Variants in CSNK1D observed in about 807,000 individuals in gnomAD.
CSNK1D encodes the protein casein kinase I isoform delta.
In CSNK1D, 16 loss-of-function variants were observed where a neutral mutation model predicts 46.6. The observed-to-expected ratio is 0.34, with a 90% confidence interval of 0.23 to 0.52. The LOEUF (loss-of-function observed/expected upper bound fraction) is 0.52, where lower values mean the gene tolerates loss of function less well. CSNK1D is among the 20% of genes least tolerant of loss of function. CSNK1D has a pLI of 0.95. For synonymous variants in CSNK1D, 276 were observed against 228.2 expected (o/e 1.21, Z -1.89); for missense variants, 398 against 578.4 (o/e 0.69, Z 3.20).
At chr17:82,246,091 T>G in intron 8 of CSNK1D, 1 of 1,574,752 alleles carries the variant, frequency 6.4e-7, no homozygotes, top group Non-Finnish European at 8.6e-7. Context: ...GCCCCCTGAC[T>G]ACCTGTGTCG....
chr17:82,245,007 G>C (rs1208343548), intron 8 of CSNK1D, 176 bp from the exon 9 acceptor site: 1 of 761,664 alleles, frequency 1.3e-6, no homozygotes. Flanking sequence ...CACGTGCTCA[G>C]CAGAACGAGT....
At position 82,249,471 on chromosome 17, in the gene CSNK1D, T is replaced by C. The variant is rs550852694; in HGVS notation, c.1017A>G (p.Glu339=). ...GGGTGAGGGGTGTGGGGGGAGCCAC[T>C]TCCTGCGTCCCCCGCAGGCGGCCGG... The part of the protein sequence containing the change: ...TASGRLRGTQ[E]VAPPTPLTPT... Residue 339 remains glutamate (E), a synonymous_variant, in exon 7 of 9, where the codon GAA becomes GAG. Coordinates refer to ENST00000314028, the MANE Select transcript of CSNK1D (RefSeq NM_001893.6). The surrounding 1 kb of genome is among the most constrained non-coding windows in gnomAD (Gnocchi z 6.7). The C allele has an allele frequency of 3.7e-4, 564 of 1,541,194 alleles. 3 individuals carry two copies. The South Asian group carries it at 4.4e-3, about 12-fold the overall frequency.
rs138912175 is a variant in CSNK1D, at chr17:82,243,500, T to C, written c.*1281A>G. 1,829 of 985,518 alleles carry C rather than the reference T, an allele frequency of 1.9e-3. 5 individuals are homozygous for C. The highest frequency in any genetic ancestry group is 3.7e-3 in the Middle Eastern group (7 of 1,914). 61.0% of individuals were successfully genotyped at this position (985,518 alleles called of 1,614,324 possible). A position where few individuals can be genotyped will look rare whatever the true frequency, so the allele number is the denominator to read the frequency against. On this transcript the variant is annotated 3_prime_UTR_variant, in exon 9 of 9. Transcript: ENST00000314028. ...CACCAGCTCACGGAGGCCACCTGCC[T>C]TCTGGTGGGACTCGGCCCCACGCAC...
chr17:82,240,117 G>A (rs1477893519), downstream of CSNK1D: 15 of 1,209,856 alleles, frequency 1.2e-5, no homozygotes, highest in Non-Finnish European at 1.6e-5. Flanking sequence ...GTCCCCATCT[G>A]CCCCTGGCCT....
chr17:82,267,272 C>G (rs2051500713), intron 1 of CSNK1D, among the ~76,000 whole-genome samples: 1 of 152,138 alleles, frequency 6.6e-6, no homozygotes. Context: ...ACGTCTGTTT[C>G]ATGAGAGTTG....
rs950046440 is a variant in CSNK1D, at chr17:82,252,867, C to T, written c.565+149G>A. Reference sequence around the variant, plus strand: ...CCCAGCATCCGCCTGCCCCCATACACCTGGCAGTCACGAGCCAGCCTGTCT... The same window carrying T: ...CCCAGCATCCGCCTGCCCCCATACATCTGGCAGTCACGAGCCAGCCTGTCT... On this transcript the variant is annotated intron_variant, in intron 4 of 8. Coordinates refer to ENST00000314028, the MANE Select transcript of CSNK1D (RefSeq NM_001893.6). This position sits in a 1 kb window ranked among gnomAD's most constrained non-coding sequence, Gnocchi z 4.6. 18 of 802,014 alleles carry T rather than the reference C, an allele frequency of 2.2e-5. No homozygotes were observed. The African/African-American group carries it at 3.1e-4, about 14-fold the overall frequency. The allele number at this position is 802,014 out of a possible 1,614,324, so 49.7% of individuals were successfully genotyped here. A position where few individuals can be genotyped will look rare whatever the true frequency, so the allele number is the denominator to read the frequency against.
chr17:82,260,630 G>GTGACGTGACTGATGGTGTACTGAC (rs1568575459), intron 2 of CSNK1D, among the ~76,000 whole-genome samples: 1 of 143,682 alleles, frequency 7.0e-6, no homozygotes, highest in Non-Finnish European at 1.5e-5. Context: ...GGTGTACTGA[G>GTGACGTGACTGATGGTGTACTGAC]TGACGTGACT....
chr17:82,250,328 C>T lies in CSNK1D; in HGVS notation c.886-726G>A, dbSNP rs2050970000. ...ACCAGGCAACACACAGACCGACACA[C>T]CTGCGGCTGCAGCACCGTGCGGCCA... On this transcript the variant is annotated intron_variant, in intron 6 of 8. Coordinates refer to ENST00000314028, the MANE Select transcript of CSNK1D (RefSeq NM_001893.6). This position sits in a 1 kb window ranked among gnomAD's most constrained non-coding sequence, Gnocchi z 4.6. 1.6e-6 allele frequency: 1 copy of T among 636,766 alleles called. No homozygotes were observed. 39.4% of individuals were successfully genotyped at this position (636,766 alleles called of 1,614,324 possible).
Position 82,265,871 on chromosome 17 carries a change from A to C in CSNK1D, c.77-75T>G. 5 of 1,198,434 alleles carry C rather than the reference A, an allele frequency of 4.2e-6. No homozygotes were observed. In the Admixed American group the frequency reaches 6.7e-5, roughly 16 times the overall value. The allele number at this position is 1,198,434 out of a possible 1,614,324, so 74.2% of individuals were successfully genotyped here. A position where few individuals can be genotyped will look rare whatever the true frequency, so the allele number is the denominator to read the frequency against. ...TAACCCAACATGCTGGAGAAACAAC[A>C]AGCACTATGTGTTTTCCATGAAGGA... On this transcript the variant is annotated intron_variant, in intron 1 of 8. Transcript: ENST00000314028.
Position 82,251,422 on chromosome 17 carries a change from C to T in CSNK1D, c.842G>A (p.Gly281Asp). Residue 281 changes from glycine to aspartate, a missense_variant, in exon 6 of 9, where the codon GGC becomes GAC. Around this residue, in one of 2 missense-constraint regions of CSNK1D, gnomAD observed 181 missense variants for 208.0 expected, o/e 0.87. Coordinates refer to ENST00000314028, the MANE Select transcript of CSNK1D (RefSeq NM_001893.6). The surrounding 1 kb of genome is among the most constrained non-coding windows in gnomAD (Gnocchi z 4.5). ...GTCGAACACGTAGTCATAGGAGAAG[C>T]CCTGGCGATGGAACAGATTCCGGAA... is the stretch of plus-strand genomic sequence containing the variant. ...QLFRNLFHRQ[G>D]FSYDYVFDWN... The T allele has an allele frequency of 6.2e-7, 1 of 1,614,152 alleles. No individual in the cohort carries two copies. The highest frequency in any genetic ancestry group is 8.5e-7 in the Non-Finnish European group (1 of 1,180,028).
intron 3 of CSNK1D, chr17:82,254,157 C>T (rs77907310): frequency 2.7e-4 from 65 of 243,820 alleles, no homozygotes; most frequent in East Asian, 4.2e-4. Flanking sequence ...AGCTGAGCCG[C>T]CGGAGCCTCG....
chr17:82,258,684 G>A (rs1016225831), intron 2 of CSNK1D, among the ~76,000 whole-genome samples: 3 of 151,878 alleles, frequency 2.0e-5, no homozygotes, highest in African/African-American at 4.8e-5. Context: ...ACTTTTTCCC[G>A]TACCTCATAA....
intron 1 of CSNK1D, among the ~76,000 whole-genome samples, chr17:82,270,374 A>T (rs1286612542): frequency 6.6e-6 from 1 of 152,324 alleles, no homozygotes; most frequent in African/African-American, 2.4e-5. Context: ...GAAAGCACAG[A>T]AAGTCCCCGG....
At chr17:82,246,928 C>T in intron 8 of CSNK1D, 9 of 985,536 alleles carry the variant, frequency 9.1e-6, no homozygotes, top group Non-Finnish European at 9.6e-6. Context: ...CTGTATTCCC[C>T]CTTGGGATTC....
Position 82,250,275 on chromosome 17 carries a change from G to A in CSNK1D, c.886-673C>T. On this transcript the variant is annotated intron_variant, in intron 6 of 8. Transcript: ENST00000314028. The surrounding 1 kb of genome is among the most constrained non-coding windows in gnomAD (Gnocchi z 4.6). ...ACCCAGGTGCCACTTCTTCCTGCAA[G>A]TACAGCTCATTGGACACAGCCACGT... The A allele has an allele frequency of 8.6e-7, 1 of 1,161,672 alleles. No individual in the cohort carries two copies. 72.0% of individuals were successfully genotyped at this position (1,161,672 alleles called of 1,614,324 possible).
chr17:82,268,143 G>T (rs2051526510), intron 1 of CSNK1D, among the ~76,000 whole-genome samples: 1 of 152,216 alleles, frequency 6.6e-6, no homozygotes, highest in Admixed American at 6.5e-5. Flanking sequence ...TGCAGGTCCT[G>T]TACACAGATG....
chr17:82,245,133 G>C (rs1005947961), intron 8 of CSNK1D: 3 of 567,236 alleles, frequency 5.3e-6, no homozygotes, highest in Admixed American at 3.1e-5. Context: ...TCCCTTCCTG[G>C]AAAGGAACCT....
Position 82,255,210 on chromosome 17 carries a change from AGT to A in CSNK1D, c.336+217_336+218del. 1 of 613,962 alleles carries A rather than the reference AGT, an allele frequency of 1.6e-6. No individual in the cohort carries two copies. The highest frequency in any genetic ancestry group is 2.9e-6 in the Non-Finnish European group (1 of 344,132). The allele number at this position is 613,962 out of a possible 1,614,324, so 38.0% of individuals were successfully genotyped here. On this transcript the variant is annotated intron_variant, in intron 3 of 8. Transcript: ENST00000314028. This position sits in a 1 kb window ranked among gnomAD's most constrained non-coding sequence, Gnocchi z 5.9. ...TGGGCCGCCGGAGCCTCGAGAAGCC[AGT>A]GAGCTGGGCCGCCGGAGCCTCGAGA...
chr17:82,239,984 T>G (rs2147141899), downstream of CSNK1D: 1 of 1,233,582 alleles, frequency 8.1e-7, no homozygotes, highest in Non-Finnish European at 1.0e-6. Flanking sequence ...CCTCAGTAGG[T>G]GCGTCGTGGG....
Sources: gnomAD v4.1 joint callset for allele counts (sites outside exome capture counted in the v4.1 genomes callset) on GRCh38, gnomAD v4.1.1 for gene constraint, gnomAD v4.1.1 regional missense constraint, Gnocchi (gnomAD v3.1) non-coding constraint, MANE v1.5 for transcripts, NCBI Gene and HGNC (gene_info 2026-07-23, HGNC 2026-07-21) for gene names.